Variants in ADGRA3 observed in about 807,000 individuals in gnomAD.
The protein encoded by ADGRA3 is G-protein coupled receptor 125.
A neutral mutation model predicts 119.8 loss-of-function variants in ADGRA3; 56 were observed. That is an observed-to-expected ratio of 0.47 (90% confidence interval 0.38 to 0.58). The LOEUF (loss-of-function observed/expected upper bound fraction) is 0.58. Ranked by LOEUF, ADGRA3 falls within the 20% of genes least tolerant of loss-of-function variation. The probability of loss-of-function intolerance (pLI) is 0.00; values close to 1 mark genes in which losing one functional copy is unlikely to be tolerated. For missense variants in ADGRA3, 1,516 were observed against 1,649.0 expected (o/e 0.92, Z 1.40); for synonymous variants, 607 against 623.8 (o/e 0.97, Z 0.40).
chr4:22,452,199 C>T lies in ADGRA3; in HGVS notation c.473+2667G>A, dbSNP rs151128060. Reference sequence around the variant, plus strand: ...GGTATACTGCTATATATGCCACAGACTGTTCCATTTAGAAAATCCACAATA... The same window carrying T: ...GGTATACTGCTATATATGCCACAGATTGTTCCATTTAGAAAATCCACAATA... On this transcript the variant is annotated intron_variant, in intron 4 of 18. Transcript: ENST00000334304. 1.5e-4 allele frequency among the ~76,000 whole-genome samples: 23 copies of T among 152,284 alleles called. No individual in the cohort carries two copies. The East Asian group carries it at 4.3e-3, about 28-fold the overall frequency.
In ADGRA3 at chr4:22,389,159, G is replaced by A. The variant is rs777486337; in HGVS notation, c.2652C>T (p.Ile884=). 3 of 1,613,446 alleles carry A rather than the reference G, an allele frequency of 1.9e-6. No homozygotes were observed. The highest frequency in any genetic ancestry group is 1.7e-6 in the Non-Finnish European group (2 of 1,179,622). ...MLRFYLIGGG[I]PIIVCGITAA... is the part of the protein sequence containing the mutation. Reference sequence around the variant, plus strand: ...CAGTTATGCCGCAAACAATGATGGGGATACCACCACCAATCAGGTAAAATC... The same window carrying A: ...CAGTTATGCCGCAAACAATGATGGGAATACCACCACCAATCAGGTAAAATC... Residue 884 remains isoleucine (I), a synonymous_variant, in exon 18 of 19, where the codon ATC becomes ATT. Transcript: ENST00000334304.
intron 3 of ADGRA3, chr4:22,455,882 A>C: frequency 1.7e-6 from 2 of 1,188,098 alleles, no homozygotes; most frequent in South Asian, 1.3e-5. Context: ...AAAACAATGA[A>C]TCTTAAGTTT....
At chr4:22,486,958 T>C (rs904173513) in intron 1 of ADGRA3, among the ~76,000 whole-genome samples, 1 of 152,156 alleles carries the variant, frequency 6.6e-6, no homozygotes, top group African/African-American at 2.4e-5. Flanking sequence ...CTAAGATCCA[T>C]GCAATTGGAC....
intron 1 of ADGRA3, among the ~76,000 whole-genome samples, chr4:22,496,349 T>C (rs1229230741): frequency 1.3e-4 from 20 of 152,200 alleles, no homozygotes; most frequent in Non-Finnish European, 1.5e-5. Context: ...GGGATAATCA[T>C]AATGATCTCA....
At chr4:22,457,393 T>C (rs1441771186) in intron 3 of ADGRA3, among the ~76,000 whole-genome samples, 3 of 152,228 alleles carry the variant, frequency 2.0e-5, no homozygotes. Context: ...GGTCTGTATC[T>C]ATGAGCAACT....
chr4:22,437,911 GA>G (rs1020146321), intron 8 of ADGRA3, among the ~76,000 whole-genome samples: 50 of 151,582 alleles, frequency 3.3e-4, no homozygotes, highest in African/African-American at 1.1e-3. Flanking sequence ...CCACTGGGGG[GA>G]AAAAAAACAG....
At chr4:22,481,692 G>A (rs1410066978) in intron 1 of ADGRA3, among the ~76,000 whole-genome samples, 1 of 152,142 alleles carries the variant, frequency 6.6e-6, no homozygotes, top group Non-Finnish European at 1.5e-5. Flanking sequence ...AATTTTAATA[G>A]GACCAAGAGT....
At chr4:22,505,087 A>G (rs1389608553) in intron 1 of ADGRA3, among the ~76,000 whole-genome samples, 1 of 152,044 alleles carries the variant, frequency 6.6e-6, no homozygotes, top group African/African-American at 2.4e-5. Context: ...ATCCTTCACC[A>G]TTTCACTCCA....
intron 1 of ADGRA3, among the ~76,000 whole-genome samples, chr4:22,499,394 A>C (rs1718971337): frequency 6.6e-6 from 1 of 152,208 alleles, no homozygotes; most frequent in South Asian, 2.1e-4. Context: ...GCTAGGTGAC[A>C]CGATTCTACT....
At chr4:22,435,763 C>T (rs1716368185) in intron 9 of ADGRA3, among the ~76,000 whole-genome samples, 1 of 152,186 alleles carries the variant, frequency 6.6e-6, no homozygotes, top group Non-Finnish European at 1.5e-5. Flanking sequence ...ACACATACCT[C>T]AACTCCAATT....
chr4:22,488,034 G>A (rs1718494570), intron 1 of ADGRA3, among the ~76,000 whole-genome samples: 2 of 152,120 alleles, frequency 1.3e-5, no homozygotes, highest in African/African-American at 2.4e-5. Flanking sequence ...ATAAACGTAA[G>A]TGACAAGTGA....
rs746870825 is a variant in ADGRA3, at chr4:22,515,600, T to C, written c.185A>G (p.Lys62Arg). ...GAGTTCCAGGCTGCTGCACACCACC[T>C]TGCCCTCGGCGGCGCCCGCCGCCCT... ...AGRAAGAAEG[K>R]VVCSSLELAQ... is the part of the protein sequence containing the mutation. The change falls in exon 1 of 19, where the codon AAG (lysine) becomes AGG (arginine). Residue 62 changes from lysine (K) to arginine (R), a missense_variant. This residue lies in a region of ADGRA3 where 428 missense variants were observed against 541.9 expected (regional missense o/e 0.79). Coordinates refer to ENST00000334304, the MANE Select transcript of ADGRA3 (RefSeq NM_145290.4). The C allele has an allele frequency of 2.6e-6, 4 of 1,563,954 alleles. No individual in the cohort carries two copies. In the African/African-American group the frequency reaches 5.6e-5, roughly 22 times the overall value.
At chr4:22,442,056 A>T (rs929813952) in intron 7 of ADGRA3, among the ~76,000 whole-genome samples, 11 of 152,200 alleles carry the variant, frequency 7.2e-5, no homozygotes, top group African/African-American at 2.7e-4. Context: ...GTGGAAAGAA[A>T]GAAGAAAGGG....
chr4:22,419,122 C>A (rs1359222632), intron 12 of ADGRA3, among the ~76,000 whole-genome samples: 1 of 151,988 alleles, frequency 6.6e-6, no homozygotes, highest in Non-Finnish European at 1.5e-5. Flanking sequence ...ATCAAGGAGG[C>A]ACCTACTGCT....
intron 12 of ADGRA3, among the ~76,000 whole-genome samples, chr4:22,417,724 G>A (rs1395649326): frequency 6.6e-6 from 1 of 152,104 alleles, no homozygotes; most frequent in Non-Finnish European, 1.5e-5. Flanking sequence ...AGCACAACGG[G>A]ATTAACAGGC....
chr4:22,479,996 G>A (rs1269013642), intron 1 of ADGRA3, among the ~76,000 whole-genome samples: 3 of 152,120 alleles, frequency 2.0e-5, no homozygotes, highest in East Asian at 1.9e-4. Context: ...GGCCTGTCAC[G>A]GGGTGGAGGG....
At chr4:22,485,002 T>C (rs1029177208) in intron 1 of ADGRA3, among the ~76,000 whole-genome samples, 22 of 152,210 alleles carry the variant, frequency 1.4e-4, no homozygotes, top group African/African-American at 5.3e-4. Flanking sequence ...ATAAATCCTC[T>C]GCTTAATTTT....
At chr4:22,437,759 C>T (rs749771020) in intron 8 of ADGRA3, among the ~76,000 whole-genome samples, 3 of 152,148 alleles carry the variant, frequency 2.0e-5, no homozygotes, top group Non-Finnish European at 4.4e-5. Context: ...TTCCCAAAGT[C>T]CTTCTTGCTT....
rs1227494906 is a variant in ADGRA3, at chr4:22,413,643, T to C, written c.1981A>G (p.Lys661Glu). 6.2e-7 allele frequency: 1 copy of C among 1,614,020 alleles called. No individual in the cohort carries two copies. The highest frequency in any genetic ancestry group is 1.7e-5 in the Admixed American group (1 of 59,998). The change falls in exon 13 of 19, where the codon AAA becomes GAA. Residue 661 changes from lysine to glutamate, a missense_variant. Physicochemically the swap from Lys to Glu is moderately conservative, Grantham distance 56 (BLOSUM62 1). Around this residue, in one of 2 missense-constraint regions of ADGRA3, gnomAD observed 1,088 missense variants for 1,107.1 expected, o/e 0.98. Transcript: ENST00000334304. The stretch of plus-strand genomic sequence containing the variant: ...ACAGGGGTAACCACAGTACGTCGTT[T>C]TCCATCATCAGCCAAATTTGTTGAA... Reference protein sequence around the residue: ...GNSTNLADDGKRRTVVTPVIL... With the variant: ...GNSTNLADDGERRTVVTPVIL...
Sources: gnomAD v4.1 joint callset for allele counts (sites outside exome capture counted in the v4.1 genomes callset) on GRCh38, gnomAD v4.1.1 for gene constraint, gnomAD v4.1.1 regional missense constraint, MANE v1.5 for transcripts, NCBI Gene and HGNC (gene_info 2026-07-23, HGNC 2026-07-21) for gene names.